SARDH: variants seen among roughly 807,000 people sequenced by gnomAD.
SARDH encodes the protein sarcosine dehydrogenase, mitochondrial.
In SARDH, 95 loss-of-function variants were observed where a neutral mutation model predicts 109.1. The observed-to-expected ratio is 0.87, with a 90% CI of 0.74 to 1.03. SARDH has a LOEUF of 1.03. SARDH is among the 50% of genes least tolerant of loss of function. SARDH has a pLI of 0.00. For missense variants in SARDH, 1,267 were observed against 1,287.8 expected, an observed-to-expected ratio of 0.98 and a Z score of 0.25; for synonymous variants, 572 against 534.8, an observed-to-expected ratio of 1.07 and a Z score of -0.96.
At chr9:133,696,081 G>T in intron 14 of SARDH, 142 bp downstream of exon 14, 1 of 951,378 alleles carries the variant, frequency 1.1e-6, no homozygotes, top group Non-Finnish European at 1.6e-6. Context: ...GCCGGACGGG[G>T]GGGAGCTCAA....
chr9:133,706,007 G>T (rs1303845372), intron 11 of SARDH, among the ~76,000 whole-genome samples: 3 of 152,202 alleles, frequency 2.0e-5, no homozygotes, highest in Non-Finnish European at 4.4e-5. Context: ...CTCCAGAAAT[G>T]TGGGGAAAAA....
downstream of SARDH, among the ~76,000 whole-genome samples, chr9:133,660,685 A>AG (rs1010193001): frequency 3.3e-5 from 5 of 151,960 alleles, no homozygotes; most frequent in African/African-American, 4.8e-5. Flanking sequence ...CCAGCCTCCC[A>AG]GGGGGCAGGG....
chr9:133,729,942 C>T (rs1181258217), intron 5 of SARDH, 77 bp from the exon 6 acceptor site: 50 of 1,589,508 alleles, frequency 3.1e-5, no homozygotes, highest in Non-Finnish European at 4.2e-5. Flanking sequence ...CAGGCTGCCT[C>T]TGCAGACCTG....
intron 19 of SARDH, chr9:133,667,176 C>A: frequency 3.9e-6 from 2 of 518,576 alleles, no homozygotes; most frequent in Non-Finnish European, 6.8e-6. Flanking sequence ...GATTTCCTTC[C>A]ATTGTTGTTC....
At chr9:133,662,186 G>A (rs556267309), downstream of SARDH, among the ~76,000 whole-genome samples, 32 of 152,182 alleles carry the variant, frequency 2.1e-4, no homozygotes, top group African/African-American at 7.0e-4. This position sits in a 1 kb window ranked among gnomAD's most constrained non-coding sequence, Gnocchi z 5.1. Flanking sequence ...GACAGGGAGC[G>A]CAGCCAGGTT....
intron 17 of SARDH, among the ~76,000 whole-genome samples, chr9:133,683,471 G>C (rs557858522): frequency 1.3e-3 from 200 of 152,330 alleles, no homozygotes; most frequent in Non-Finnish European, 1.6e-3. Flanking sequence ...TGGATGCTGC[G>C]TGGACCCCGG....
intron 1 of SARDH, among the ~76,000 whole-genome samples, chr9:133,736,497 G>A (rs996751673): frequency 6.6e-6 from 1 of 152,186 alleles, no homozygotes; most frequent in African/African-American, 2.4e-5. Flanking sequence ...CTGGGTTCAA[G>A]CGATTCTCCC....
chr9:133,708,234 G>A lies in SARDH; in HGVS notation c.1470+53C>T, dbSNP rs557764689. 85 of 1,566,928 alleles carry A rather than the reference G, an allele frequency of 5.4e-5. 1 individual carries two copies. In the South Asian group the frequency reaches 9.8e-4, roughly 18 times the overall value. ...CATTTCTGTCACTCCGCTGCCCTGA[G>A]GACGTCCCAGACCCTCGCTGCCAGT... On this transcript the variant is annotated intron_variant, in intron 11 of 20. Transcript: ENST00000439388.
At chr9:133,683,547 C>T (rs987796879) in intron 17 of SARDH, among the ~76,000 whole-genome samples, 5 of 152,190 alleles carry the variant, frequency 3.3e-5, no homozygotes, top group African/African-American at 1.2e-4. Flanking sequence ...GCTGCTCTCT[C>T]TGAGTGCCCA....
chr9:133,665,321 C>A (rs1404359123), intron 20 of SARDH, among the ~76,000 whole-genome samples: 2 of 152,242 alleles, frequency 1.3e-5, no homozygotes, highest in Non-Finnish European at 2.9e-5. Flanking sequence ...CACTCCCCAG[C>A]CCACCCTGGC....
At chr9:133,671,795 G>T in intron 17 of SARDH, 98 bp from the exon 18 acceptor site, 1 of 1,406,290 alleles carries the variant, frequency 7.1e-7, no homozygotes, top group Non-Finnish European at 9.5e-7. Flanking sequence ...CTGTCACCAG[G>T]ATTATCAGCT....
rs750718149 is a variant in SARDH, at chr9:133,692,717, A to T, written c.1921+1541T>A. Among the ~76,000 whole-genome samples the T allele has an allele frequency of 2.4e-4, 37 of 151,818 alleles. No individual in the cohort carries two copies. The highest frequency in any genetic ancestry group is 4.3e-4 in the Non-Finnish European group (29 of 67,954). ...CACCGGCCTCCTTCACCTCCTCCCG[A>T]CCCTGGCTACCTGGTGCTTCCACAC... On this transcript the variant is annotated intron_variant, in intron 15 of 20. Transcript: ENST00000439388. This position sits in a 1 kb window ranked among gnomAD's most constrained non-coding sequence, Gnocchi z 5.0.
chr9:133,734,356 T>TTCATTCAC (rs1157742563), intron 1 of SARDH, among the ~76,000 whole-genome samples, 153 bp from the exon 2 acceptor site: 1 of 151,708 alleles, frequency 6.6e-6, no homozygotes, highest in Non-Finnish European at 1.5e-5. Flanking sequence ...CATTCATTCA[T>TTCATTCAC]TCATTCACTC....
chr9:133,732,506 G>T lies in SARDH; in HGVS notation c.427C>A (p.Leu143Ile). 6.2e-7 allele frequency: 1 copy of T among 1,613,824 alleles called. No individual in the cohort carries two copies. Among genetic ancestry groups the T allele is most frequent in the Non-Finnish European group, 8.5e-7 (1 of 1,179,886 alleles). The stretch of plus-strand genomic sequence containing the variant: ...CCATTCTGGATCCAGCCCGTGTGTA[G>T]TCCCGTCTCCTCCTCCAGCTCCCGG... ...VSRELEEETGLHTGWIQNGGL... is the reference protein window; with the variant it reads ...VSRELEEETGIHTGWIQNGGL... Residue 143 changes from leucine to isoleucine, a missense_variant, in exon 3 of 21, where the codon CTA (leucine) becomes ATA (isoleucine). Transcript: ENST00000439388.
At chr9:133,702,269 C>A (rs1336366219) in intron 13 of SARDH, among the ~76,000 whole-genome samples, 2 of 152,248 alleles carry the variant, frequency 1.3e-5, no homozygotes, top group Non-Finnish European at 2.9e-5. Context: ...GTGCAGGCTG[C>A]TGCGGGGGAG....
Position 133,702,955 on chromosome 9 carries a change from T to C in SARDH, c.1629A>G (p.Ala543=), listed in dbSNP as rs1831546384. Residue 543 remains alanine (A), a synonymous_variant, in exon 13 of 21, where the codon GCA becomes GCG. Transcript: ENST00000439388. The stretch of plus-strand genomic sequence containing the variant: ...GCGGGAAGGCGAAGGTGTACTCGTC[T>C]GCCAGCAGCCTGCGGTAGGCGTAGT... ...HEDYAYRRLL[A]DEYTFAFPPH... 3 of 1,613,208 alleles carry C rather than the reference T, an allele frequency of 1.9e-6. No homozygotes were observed. The highest frequency in any genetic ancestry group is 2.5e-6 in the Non-Finnish European group (3 of 1,179,982).
rs200567947 is a variant in SARDH, at chr9:133,682,984, AC to A, written c.2163+2208del. The stretch of plus-strand genomic sequence containing the variant: ...CTTTTTACAACACCAGTGATTTTAC[AC>A]CAATGAGCAGGAGACTGTGGGGAGA... On this transcript the variant is annotated intron_variant, in intron 17 of 20. Coordinates refer to ENST00000439388, the MANE Select transcript of SARDH (RefSeq NM_001134707.2). Among the ~76,000 whole-genome samples the A allele has an allele frequency of 8.6e-3, 1,302 of 150,812 alleles. 49 individuals carry two copies. The highest frequency in any genetic ancestry group is 0.029 in the African/African-American group (1,181 of 40,134).
intron 3 of SARDH, 25 bp downstream of exon 3, chr9:133,732,398 T>G (rs1207293826): frequency 2.9e-5 from 8 of 272,006 alleles, no homozygotes; most frequent in Non-Finnish European, 4.7e-5. Context: ...GCCCCCCTCC[T>G]TGCCCCCCGC....
intron 20 of SARDH, 126 bp from the exon 21 acceptor site, chr9:133,664,140 C>CA: frequency 8.0e-7 from 1 of 1,254,344 alleles, no homozygotes; most frequent in Non-Finnish European, 1.1e-6. Flanking sequence ...CATCCCTGTG[C>CA]CAGGGACTCC....
Sources: gnomAD v4.1 joint callset for allele counts (sites outside exome capture counted in the v4.1 genomes callset) on GRCh38, gnomAD v4.1.1 for gene constraint, Gnocchi (gnomAD v3.1) non-coding constraint, MANE v1.5 for transcripts, NCBI Gene and HGNC (gene_info 2026-07-23, HGNC 2026-07-21) for gene names.